Variants in CRACDL observed in about 807,000 individuals in gnomAD.
CRACDL encodes the protein CRACD-like protein.
In CRACDL, 26 loss-of-function variants were observed where a neutral mutation model predicts 70.6. The observed-to-expected ratio is 0.37, with a 90% CI of 0.27 to 0.51. CRACDL has a LOEUF of 0.51. CRACDL is among the 20% of genes least tolerant of loss of function. CRACDL has a pLI of 0.94. For missense variants in CRACDL, 1,283 were observed against 1,376.9 expected, an observed-to-expected ratio of 0.93 and a Z score of 1.08; for synonymous variants, 618 against 615.2, an observed-to-expected ratio of 1.00 and a Z score of -0.07.
At chr2:98,924,184 G>T (rs1481538213) in intron 1 of CRACDL, among the ~76,000 whole-genome samples, 1 of 152,204 alleles carries the variant, frequency 6.6e-6, no homozygotes, top group Admixed American at 6.5e-5. Flanking sequence ...AGAAGACTCA[G>T]ATGCAGCCAC....
At chr2:98,808,548 C>T (rs956582766) in intron 7 of CRACDL, among the ~76,000 whole-genome samples, 3 of 152,160 alleles carry the variant, frequency 2.0e-5, no homozygotes, top group Non-Finnish European at 4.4e-5. Flanking sequence ...GGGCTGACAT[C>T]TGCCCCCTGC....
intron 2 of CRACDL, chr2:98,840,875 G>A (rs1047424973): frequency 6.6e-6 from 1 of 151,984 alleles, no homozygotes; most frequent in Admixed American, 6.6e-5. Context: ...AGTACAGGTC[G>A]ATCAGACCAA....
At chr2:98,875,184 G>GC (rs935302117) in intron 1 of CRACDL, among the ~76,000 whole-genome samples, 3 of 152,198 alleles carry the variant, frequency 2.0e-5, no homozygotes, top group Non-Finnish European at 2.9e-5. Flanking sequence ...GGCAGGCACG[G>GC]CCCCCCGCCC....
chr2:98,922,989 G>A (rs973717011), intron 1 of CRACDL, among the ~76,000 whole-genome samples: 2 of 152,146 alleles, frequency 1.3e-5, no homozygotes, highest in African/African-American at 4.8e-5. Context: ...AAATTTATAG[G>A]CCAGGAGCGG....
At chr2:98,886,013 C>T (rs988740367) in intron 1 of CRACDL, among the ~76,000 whole-genome samples, 2 of 152,210 alleles carry the variant, frequency 1.3e-5, no homozygotes, top group South Asian at 2.1e-4. Context: ...AGCCAAATCT[C>T]GGTAAAATTA....
At chr2:98,911,498 C>A (rs567435950) in intron 1 of CRACDL, among the ~76,000 whole-genome samples, 11 of 152,326 alleles carry the variant, frequency 7.2e-5, no homozygotes, top group Non-Finnish European at 1.6e-4. Context: ...TTTCCCACTT[C>A]GTGTGCCAGG....
rs1379509536 is a variant in CRACDL at position 98,929,456 on chromosome 2, C to T, written c.-11+6482G>A. ...CCAGTATGCCTCAGACTCCAAGCAG[C>T]ATCTACAGTGGGACGGGGGAGCCGC... is the stretch of plus-strand genomic sequence containing the variant. On this transcript the variant is annotated intron_variant, in intron 1 of 9. Coordinates refer to ENST00000397899, the MANE Select transcript of CRACDL (RefSeq NM_207362.3). Among the ~76,000 whole-genome samples, 3 of 152,310 alleles carry T rather than the reference C, an allele frequency of 2.0e-5. No homozygotes were observed. The East Asian group carries it at 5.8e-4, about 29-fold the overall frequency.
intron 1 of CRACDL, among the ~76,000 whole-genome samples, chr2:98,897,043 C>G (rs1486497106): frequency 6.6e-6 from 1 of 152,112 alleles, no homozygotes; most frequent in Non-Finnish European, 1.5e-5. Flanking sequence ...ATGTAGCCAC[C>G]AGCACAGTCA....
At chr2:98,865,312 A>G (rs546861070) in intron 1 of CRACDL, among the ~76,000 whole-genome samples, 2 of 152,120 alleles carry the variant, frequency 1.3e-5, no homozygotes, top group East Asian at 1.9e-4. Flanking sequence ...AGGAAGACCA[A>G]TCTGTCCCTT....
In CRACDL at chr2:98,838,089, C is replaced by T. The variant is rs534451096; in HGVS notation, c.239+30G>A. On this transcript the variant is annotated intron_variant, in intron 3 of 9. Coordinates refer to ENST00000397899, the MANE Select transcript of CRACDL (RefSeq NM_207362.3). ...AATGAAATCATGTATTTAGGTGCTC[C>T]TGGCCCGAGGGATGTAAAATGCAAC... 5.3e-5 allele frequency: 83 copies of T among 1,571,664 alleles called. No individual in the cohort carries two copies. In the East Asian group the frequency reaches 1.2e-3, roughly 23 times the overall value.
At chr2:98,921,824 C>A (rs893545387) in intron 1 of CRACDL, among the ~76,000 whole-genome samples, 7 of 152,134 alleles carry the variant, frequency 4.6e-5, no homozygotes, top group African/African-American at 1.7e-4. Context: ...CCGGCCAGCC[C>A]CTCCTGTAAG....
chr2:98,866,449 C>T (rs1284621362), intron 1 of CRACDL, among the ~76,000 whole-genome samples: 1 of 147,904 alleles, frequency 6.8e-6, no homozygotes, highest in East Asian at 2.0e-4. Flanking sequence ...AGCAGTAACA[C>T]CTGATAGATG....
At chr2:98,911,689 C>T (rs759755977) in intron 1 of CRACDL, among the ~76,000 whole-genome samples, 1 of 152,140 alleles carries the variant, frequency 6.6e-6, no homozygotes, top group Non-Finnish European at 1.5e-5. Context: ...ATTTTGTGAA[C>T]CCGAATGCTG....
intron 1 of CRACDL, among the ~76,000 whole-genome samples, chr2:98,909,702 C>A (rs1427508343): frequency 1.3e-5 from 2 of 152,176 alleles, no homozygotes; most frequent in African/African-American, 4.8e-5. Flanking sequence ...GGGCCTGGCA[C>A]CAAACGCTCC....
chr2:98,882,023 G>A (rs1309335838), intron 1 of CRACDL, among the ~76,000 whole-genome samples: 1 of 152,218 alleles, frequency 6.6e-6, no homozygotes, highest in Non-Finnish European at 1.5e-5. Context: ...AACACAACAT[G>A]GTTGCTGTGT....
At chr2:98,857,147 C>T (rs1706731819) in intron 1 of CRACDL, among the ~76,000 whole-genome samples, 1 of 152,154 alleles carries the variant, frequency 6.6e-6, no homozygotes, top group South Asian at 2.1e-4. Flanking sequence ...TTGGAATGAT[C>T]CTTAAACACC....
At chr2:98,882,476 C>A (rs529572834) in intron 1 of CRACDL, among the ~76,000 whole-genome samples, 1 of 152,288 alleles carries the variant, frequency 6.6e-6, no homozygotes, top group Admixed American at 6.5e-5. Flanking sequence ...GAGAATATTT[C>A]TTTTCTGCTG....
At chr2:98,926,522 C>T (rs1708913370) in intron 1 of CRACDL, among the ~76,000 whole-genome samples, 1 of 152,176 alleles carries the variant, frequency 6.6e-6, no homozygotes, top group Non-Finnish European at 1.5e-5. Context: ...AGCAGCTGCC[C>T]CCATGGTCTC....
At chr2:98,923,507 G>A (rs1426370639) in intron 1 of CRACDL, among the ~76,000 whole-genome samples, 1 of 152,154 alleles carries the variant, frequency 6.6e-6, no homozygotes, top group East Asian at 1.9e-4. Flanking sequence ...TGCAAAAGGA[G>A]AGCCTGTCAT....
Sources: gnomAD v4.1 joint callset for allele counts (sites outside exome capture counted in the v4.1 genomes callset) on GRCh38, gnomAD v4.1.1 for gene constraint, MANE v1.5 for transcripts, NCBI Gene and HGNC (gene_info 2026-07-23, HGNC 2026-07-21) for gene names.